Variants in SNX13 observed in about 807,000 individuals in gnomAD.
SNX13 encodes the protein sorting nexin-13.
A neutral mutation model predicts 133.6 loss-of-function variants in SNX13; 45 were observed. That is an observed-to-expected ratio of 0.34 (90% CI 0.27 to 0.43). The LOEUF is 0.43. Ranked by LOEUF, SNX13 falls within the 20% of genes least tolerant of loss-of-function variation. The pLI is 1.00. For synonymous variants in SNX13, 414 were observed against 373.9 expected (o/e 1.11, Z -1.24); for missense variants, 1,032 against 1,145.1 (o/e 0.90, Z 1.43).
chr7:17,931,842 T>C (rs759392308), intron 1 of SNX13, among the ~76,000 whole-genome samples: 2 of 152,244 alleles, frequency 1.3e-5, no homozygotes, highest in African/African-American at 4.8e-5. Context: ...AATCATCTTA[T>C]TGAACTTTTC....
At chr7:17,819,066 A>T (rs188737764) in intron 18 of SNX13, among the ~76,000 whole-genome samples, 1 of 152,336 alleles carries the variant, frequency 6.6e-6, no homozygotes. Flanking sequence ...GACACATAGG[A>T]AAAGCTTAAG....
At chr7:17,883,118 T>C (rs948253738) in intron 5 of SNX13, among the ~76,000 whole-genome samples, 2 of 152,132 alleles carry the variant, frequency 1.3e-5, no homozygotes, top group African/African-American at 4.8e-5. Flanking sequence ...TTAAAGGAAA[T>C]GGTATTTAGT....
Position 17,821,586 on chromosome 7 carries a change from G to C in SNX13, c.1768C>G (p.Leu590Val). Reference sequence around the variant, plus strand: ...GTTTTCCACATCTCCTCACTGTTTAGGTTGCGCCGGTGTACAGTGATGGCA... The same window carrying C: ...GTTTTCCACATCTCCTCACTGTTTACGTTGCGCCGGTGTACAGTGATGGCA... ...LYAITVHRRNLNSEEMWKTYR... is the reference protein window; with the variant it reads ...LYAITVHRRNVNSEEMWKTYR... The change falls in exon 18 of 26, where the codon CTA becomes GTA. Residue 590 changes from leucine (L) to valine (V), a missense_variant. Transcript: ENST00000428135. 1 of 1,613,628 alleles carries C rather than the reference G, an allele frequency of 6.2e-7. No individual in the cohort carries two copies. Among genetic ancestry groups the C allele is most frequent in the Non-Finnish European group, 8.5e-7 (1 of 1,179,680 alleles).
At chr7:17,887,263 T>TAAA (rs1246617703) in intron 5 of SNX13, among the ~76,000 whole-genome samples, 1 of 152,180 alleles carries the variant, frequency 6.6e-6, no homozygotes, top group Non-Finnish European at 1.5e-5. Context: ...TTCGATACAC[T>TAAA]AAAACTTAAC....
At chr7:17,864,844 G>A (rs1044820312) in intron 9 of SNX13, among the ~76,000 whole-genome samples, 6 of 151,802 alleles carry the variant, frequency 4.0e-5, no homozygotes, top group Non-Finnish European at 8.8e-5. Flanking sequence ...AGGAGGAGGA[G>A]GAGCAGCAGC....
At chr7:17,821,686 T>C (rs762010845) in intron 17 of SNX13, 38 bp from the exon 18 acceptor site, 1 of 1,547,544 alleles carries the variant, frequency 6.5e-7, no homozygotes, top group Non-Finnish European at 8.7e-7. Flanking sequence ...CATATACTAA[T>C]CATTTAAAAC....
intron 21 of SNX13, among the ~76,000 whole-genome samples, chr7:17,802,571 G>A (rs1257690554): frequency 1.3e-5 from 2 of 152,030 alleles, no homozygotes; most frequent in African/African-American, 4.8e-5. Context: ...GCAGAAGTGC[G>A]ACTGAACAAT....
At chr7:17,861,342 T>TCTCACACACACACA (rs1385021153) in intron 9 of SNX13, among the ~76,000 whole-genome samples, 3 of 143,120 alleles carry the variant, frequency 2.1e-5, no homozygotes, top group Admixed American at 2.1e-4. Flanking sequence ...TACAGTTATC[T>TCTCACACACACACA]CACACACACA....
chr7:17,922,175 C>A (rs1800195553), intron 1 of SNX13, among the ~76,000 whole-genome samples: 1 of 152,166 alleles, frequency 6.6e-6, no homozygotes. Flanking sequence ...AGGCAGTGAG[C>A]ACAGGGTTAC....
rs549146382 is a variant in SNX13, at chr7:17,919,198, A to C, written c.12+21086T>G. Among the ~76,000 whole-genome samples the C allele has an allele frequency of 1.4e-4, 22 of 152,304 alleles. No individual in the cohort carries two copies. The South Asian group carries it at 4.4e-3, about 30-fold the overall frequency. Reference sequence around the variant, plus strand: ...AAGTCCAAACCTCAGCAATGCACAAAATACCCATGTAACAAACCTGCACAT... The same window carrying C: ...AAGTCCAAACCTCAGCAATGCACAACATACCCATGTAACAAACCTGCACAT... On this transcript the variant is annotated intron_variant, in intron 1 of 25. Coordinates refer to ENST00000428135, the MANE Select transcript of SNX13 (RefSeq NM_015132.5).
intron 5 of SNX13, among the ~76,000 whole-genome samples, chr7:17,876,649 A>T (rs1794764853): frequency 1.3e-5 from 2 of 152,112 alleles, no homozygotes; most frequent in South Asian, 2.1e-4. Context: ...GATATAAAAT[A>T]TCACACATAT....
At chr7:17,867,023 G>T (rs1274483864) in intron 9 of SNX13, among the ~76,000 whole-genome samples, 2 of 152,102 alleles carry the variant, frequency 1.3e-5, no homozygotes, top group East Asian at 3.8e-4. Flanking sequence ...TTAAAAACTT[G>T]TTAAAATTTT....
rs1339611983 is a variant in SNX13 at position 17,861,356 on chromosome 7, AC to A, written c.837+7050del. ...ATACAGTTATCTCACACACACACAC[AC>A]ACACACACACACACACACACACACA... On this transcript the variant is annotated intron_variant, in intron 9 of 25. Coordinates refer to ENST00000428135, the MANE Select transcript of SNX13 (RefSeq NM_015132.5). Among the ~76,000 whole-genome samples, 8 of 150,772 alleles carry A rather than the reference AC, an allele frequency of 5.3e-5. 1 individual carries two copies. The highest frequency in any genetic ancestry group is 1.7e-4 in the African/African-American group (7 of 41,018).
chr7:17,925,783 GA>G (rs112689441), intron 1 of SNX13, among the ~76,000 whole-genome samples: 1 of 151,710 alleles, frequency 6.6e-6, no homozygotes, highest in Non-Finnish European at 1.5e-5. Context: ...CGAAGAAGGG[GA>G]AAAAAGAGGA....
chr7:17,826,130 T>A lies in SNX13; in HGVS notation c.1636-39A>T, dbSNP rs768457602. 7.4e-6 allele frequency: 10 copies of A among 1,353,324 alleles called. No homozygotes were observed. In the African/African-American group the frequency reaches 1.3e-4, roughly 18 times the overall value. The allele number at this position is 1,353,324 out of a possible 1,614,324, so 83.8% of individuals were successfully genotyped here. On this transcript the variant is annotated intron_variant, in intron 16 of 25. Transcript: ENST00000428135. ...ATCAGGAAACAAATTTTTAAAATTTTATAGGGAAAAAAAAGAGTAAAGAAT... is the reference window on the plus strand; with the variant it reads ...ATCAGGAAACAAATTTTTAAAATTTAATAGGGAAAAAAAAGAGTAAAGAAT...
At chr7:17,825,926 C>CA (rs1470595798) in intron 17 of SNX13, 96 bp downstream of exon 17, 24 of 835,896 alleles carry the variant, frequency 2.9e-5, no homozygotes, top group Non-Finnish European at 3.6e-5. Context: ...GACTAGAGAA[C>CA]AAAAAAATGG....
At chr7:17,916,968 A>G (rs1799623470) in intron 1 of SNX13, among the ~76,000 whole-genome samples, 1 of 152,206 alleles carries the variant, frequency 6.6e-6, no homozygotes, top group Non-Finnish European at 1.5e-5. Context: ...ATTCACCTCC[A>G]TCAAGTGGGC....
chr7:17,901,729 C>T (rs932570104), intron 1 of SNX13, among the ~76,000 whole-genome samples: 16 of 152,200 alleles, frequency 1.1e-4, no homozygotes, highest in African/African-American at 3.4e-4. Flanking sequence ...TTCCTACCAT[C>T]TTCAGTGCCT....
chr7:17,860,529 A>G (rs1034409828), intron 9 of SNX13, among the ~76,000 whole-genome samples: 3 of 152,094 alleles, frequency 2.0e-5, no homozygotes, highest in African/African-American at 4.8e-5. Flanking sequence ...AGTTTTTGGT[A>G]TCATATCAAA....
Sources: allele counts gnomAD v4.1 joint callset (sites outside exome capture counted in the v4.1 genomes callset), GRCh38; gene constraint gnomAD v4.1.1; transcripts MANE v1.5; gene names NCBI Gene and HGNC (gene_info 2026-07-23, HGNC 2026-07-21).